The following SLC8A3 variants were observed in gnomAD, a reference collection of about 807,000 sequenced individuals.
The protein encoded by SLC8A3 is solute carrier family 8 member A3.
In SLC8A3, 37 loss-of-function variants were observed where a neutral mutation model predicts 65.4. That is an observed-to-expected ratio of 0.57 (90% CI 0.44 to 0.74). The LOEUF (loss-of-function observed/expected upper bound fraction) is 0.74, where lower values mean the gene tolerates loss of function less well. Ranked by LOEUF, SLC8A3 falls within the 30% of genes least tolerant of loss-of-function variation. The probability of loss-of-function intolerance (pLI) is 0.00; values close to 1 mark genes in which losing one functional copy is unlikely to be tolerated. For missense variants in SLC8A3, 1,112 were observed against 1,172.1 expected (o/e 0.95, Z 0.75); for synonymous variants, 461 against 444.5 (o/e 1.04, Z -0.47).
intron 1 of SLC8A3, among the ~76,000 whole-genome samples, chr14:70,184,966 CTTT>C (rs11337843): frequency 1.0e-4 from 11 of 108,636 alleles, no homozygotes; most frequent in South Asian, 3.1e-4. Context: ...TTTTTCTTTT[CTTT>C]TTTTTTTTTT....
chr14:70,176,339 T>C (rs56751811), intron 1 of SLC8A3, among the ~76,000 whole-genome samples: 16,008 of 152,294 alleles, frequency 0.11, 1,136 homozygotes, highest in African/African-American at 0.19. Flanking sequence ...AGGATCACAT[T>C]CTAGAGATGG....
At chr14:70,177,589 A>G (rs954628024) in intron 1 of SLC8A3, among the ~76,000 whole-genome samples, 1 of 152,320 alleles carries the variant, frequency 6.6e-6, no homozygotes, top group South Asian at 2.1e-4. Flanking sequence ...TGCATCTCAA[A>G]CAAAGGCCAC....
chr14:70,055,801 G>A (rs1888048561), intron 3 of SLC8A3: 2 of 1,610,814 alleles, frequency 1.2e-6, no homozygotes, highest in Admixed American at 1.7e-5. Context: ...CTTACCTGGA[G>A]ATAACAGGAG....
rs1268369903 is a variant in SLC8A3 at position 70,104,537 on chromosome 14, A to C, written c.1785-43598T>G. ...AATATCCCTACTTATCGCTGGTAATATTCTTATCTTCTTATCTCTGGTAAT... is the reference window on the plus strand; with the variant it reads ...AATATCCCTACTTATCGCTGGTAATCTTCTTATCTTCTTATCTCTGGTAAT... On this transcript the variant is annotated intron_variant, in intron 2 of 6. Coordinates refer to ENST00000356921, the MANE Select transcript of SLC8A3 (RefSeq NM_182932.3). Among the ~76,000 whole-genome samples the C allele has an allele frequency of 2.6e-5, 4 of 152,162 alleles. No individual in the cohort carries two copies. In the East Asian group the frequency reaches 7.7e-4, roughly 29 times the overall value.
At chr14:70,187,599 CTGTGTG>C (rs3053393) in intron 1 of SLC8A3, among the ~76,000 whole-genome samples, 4,002 of 118,244 alleles carry the variant, frequency 0.034, 148 homozygotes, top group African/African-American at 0.1. Context: ...AGGGCTTTGA[CTGTGTG>C]TGTGTGTGTG....
intron 2 of SLC8A3, among the ~76,000 whole-genome samples, chr14:70,076,536 C>T (rs1434452839): frequency 1.3e-5 from 2 of 152,176 alleles, no homozygotes; most frequent in Admixed American, 6.5e-5. Context: ...AATCTTAATG[C>T]TTAGTGTGTG....
chr14:70,164,475 C>T (rs1273807006), intron 2 of SLC8A3, among the ~76,000 whole-genome samples: 2 of 152,120 alleles, frequency 1.3e-5, no homozygotes, highest in Non-Finnish European at 2.9e-5. Context: ...GACCAGAATT[C>T]TCAAGGTTGA....
intron 3 of SLC8A3, among the ~76,000 whole-genome samples, chr14:70,055,375 C>T (rs1047582602): frequency 1.3e-5 from 2 of 152,054 alleles, no homozygotes; most frequent in African/African-American, 4.8e-5. Flanking sequence ...TTCCTGGATC[C>T]CTTGGGATTA....
chr14:70,109,636 T>A (rs1893141959), intron 2 of SLC8A3, among the ~76,000 whole-genome samples: 2 of 152,002 alleles, frequency 1.3e-5, no homozygotes, highest in South Asian at 4.2e-4. Context: ...GTATTTTTGG[T>A]AGGGATGGGG....
intron 2 of SLC8A3, among the ~76,000 whole-genome samples, chr14:70,147,124 G>A (rs970364773): frequency 1.3e-5 from 2 of 152,204 alleles, no homozygotes; most frequent in Non-Finnish European, 2.9e-5. Context: ...TTGGGGGCAT[G>A]ATTTGGGCTG....
In SLC8A3 at chr14:70,161,080, T is replaced by TA. The variant is rs1227360711; in HGVS notation, c.1784+5558dup. On this transcript the variant is annotated intron_variant, in intron 2 of 6. Coordinates refer to ENST00000356921, the MANE Select transcript of SLC8A3 (RefSeq NM_182932.3). ...TAACATGGTGAAACCCCATCTCTAC[T>TA]AAAAAAAAAAAGTATAAATATATAT... Among the ~76,000 whole-genome samples, 45 of 134,618 alleles carry TA rather than the reference T, an allele frequency of 3.3e-4. No homozygotes were observed. The East Asian group carries it at 4.0e-3, about 12-fold the overall frequency. The allele number at this position is 134,618 out of a possible 152,430, so 88.3% of individuals were successfully genotyped here. A position where few individuals can be genotyped will look rare whatever the true frequency, so the allele number is the denominator to read the frequency against.
chr14:70,184,622 A>G (rs1244639284), intron 1 of SLC8A3, among the ~76,000 whole-genome samples: 3 of 152,190 alleles, frequency 2.0e-5, no homozygotes, highest in African/African-American at 7.2e-5. Flanking sequence ...AGCCCATAGG[A>G]AGAGGTGCTC....
intron 2 of SLC8A3, among the ~76,000 whole-genome samples, chr14:70,096,693 A>G (rs1446828137): frequency 6.6e-6 from 1 of 152,218 alleles, no homozygotes; most frequent in Non-Finnish European, 1.5e-5. Context: ...TGTAAAGAAT[A>G]ATAAACAAAT....
intron 2 of SLC8A3, among the ~76,000 whole-genome samples, chr14:70,143,076 G>A (rs11845845): frequency 0.098 from 14,979 of 152,150 alleles, 862 homozygotes; most frequent in South Asian, 0.18. Context: ...TCTGTAGCTC[G>A]CCCACCCCTT....
intron 3 of SLC8A3, chr14:70,055,681 C>G: frequency 1.3e-6 from 1 of 797,442 alleles, no homozygotes; most frequent in Non-Finnish European, 2.0e-6. Context: ...GAGAAATTGT[C>G]AGGTTAACTT....
At chr14:70,127,651 T>C (rs1894557584) in intron 2 of SLC8A3, among the ~76,000 whole-genome samples, 1 of 152,118 alleles carries the variant, frequency 6.6e-6, no homozygotes, top group African/African-American at 2.4e-5. Flanking sequence ...GTTTGTTGTG[T>C]GCTCTCCAAA....
intron 2 of SLC8A3, among the ~76,000 whole-genome samples, chr14:70,154,170 T>C (rs1445820566): frequency 6.6e-6 from 1 of 152,246 alleles, no homozygotes; most frequent in Non-Finnish European, 1.5e-5. Flanking sequence ...CTTAACTTCC[T>C]ACATATGAGG....
intron 2 of SLC8A3, among the ~76,000 whole-genome samples, chr14:70,105,137 G>A (rs1254415502): frequency 6.6e-6 from 1 of 152,150 alleles, no homozygotes; most frequent in East Asian, 1.9e-4. Context: ...AGACCATCCT[G>A]GCTAACGTGG....
intron 2 of SLC8A3, among the ~76,000 whole-genome samples, chr14:70,153,839 T>G (rs927631702): frequency 6.6e-6 from 1 of 152,154 alleles, no homozygotes; most frequent in African/African-American, 2.4e-5. Context: ...CTGGCTGCCC[T>G]CGGACACCAT....
Sources: allele counts gnomAD v4.1 joint callset (sites outside exome capture counted in the v4.1 genomes callset), GRCh38; gene constraint gnomAD v4.1.1; transcripts MANE v1.5; gene names NCBI Gene and HGNC (gene_info 2026-07-23, HGNC 2026-07-21).